STRBP: variants seen among roughly 807,000 people sequenced by gnomAD.
The protein encoded by STRBP is spermatid perinuclear RNA-binding protein.
A neutral mutation model predicts 80.1 loss-of-function variants in STRBP; 13 were observed. That is an observed-to-expected ratio of 0.16 (90% CI 0.11 to 0.26). The LOEUF is 0.26. Among genes scored for constraint, STRBP ranks in the 10% least tolerant of loss-of-function variants. The pLI is 1.00. For missense variants in STRBP, 485 were observed against 815.2 expected, an observed-to-expected ratio of 0.59 and a Z score of 4.93; for synonymous variants, 284 against 291.2, an observed-to-expected ratio of 0.98 and a Z score of 0.25.
intron 2 of STRBP, among the ~76,000 whole-genome samples, chr9:123,199,664 TG>T (rs1228325522): frequency 2.0e-5 from 3 of 152,234 alleles, no homozygotes; most frequent in Non-Finnish European, 2.9e-5. Context: ...ACTGAGTTCT[TG>T]ATTTGATTCT....
intron 1 of STRBP, among the ~76,000 whole-genome samples, chr9:123,240,878 A>T (rs1588147125): frequency 6.6e-6 from 1 of 152,200 alleles, no homozygotes; most frequent in East Asian, 1.9e-4. Flanking sequence ...GGCAAACATC[A>T]GTTAAAATAT....
At position 123,161,159 on chromosome 9, in the gene STRBP, C is replaced by T. The variant is rs573741021; in HGVS notation, c.536-91G>A. On this transcript the variant is annotated intron_variant, in intron 6 of 18. Coordinates refer to ENST00000348403, the MANE Select transcript of STRBP (RefSeq NM_018387.5). The stretch of plus-strand genomic sequence containing the variant: ...AAACAATAAAAAATAAAAAGAATAA[C>T]AGCATTTGAGTGAACTAATAAGACT... 16 of 1,051,312 alleles carry T rather than the reference C, an allele frequency of 1.5e-5. No homozygotes were observed. The East Asian group carries it at 3.8e-4, about 25-fold the overall frequency. The allele number at this position is 1,051,312 out of a possible 1,614,324, so 65.1% of individuals were successfully genotyped here.
rs1411891297 is a variant in STRBP at position 123,179,041 on chromosome 9, C to T, written c.190G>A (p.Val64Met). ...KGTKTEGETE[V>M]KKDEAGENYS... ...TTTTCTCCGGCCTCATCTTTCTTCA[C>T]TTCTGTCTCACCCTCTGTTTTTGTG... Residue 64 changes from valine (V) to methionine (M), a missense_variant, in exon 4 of 19, where the codon GTG (valine) becomes ATG (methionine). By Grantham distance (21) the Val-to-Met change is conservative. Around this residue, in one of 3 missense-constraint regions of STRBP, gnomAD observed 377 missense variants for 616.1 expected, o/e 0.61. Transcript: ENST00000348403. 1 of 1,614,046 alleles carries T rather than the reference C, an allele frequency of 6.2e-7. No homozygotes were observed. Among genetic ancestry groups the T allele is most frequent in the Non-Finnish European group, 8.5e-7 (1 of 1,180,010 alleles).
chr9:123,217,172 C>A (rs796097263), intron 2 of STRBP, among the ~76,000 whole-genome samples: 1 of 152,106 alleles, frequency 6.6e-6, no homozygotes, highest in African/African-American at 2.4e-5. Flanking sequence ...AGAATCAAAG[C>A]TGCCATAATG....
intron 13 of STRBP, among the ~76,000 whole-genome samples, chr9:123,143,618 G>C (rs2036684483): frequency 6.6e-6 from 1 of 152,098 alleles, no homozygotes; most frequent in Non-Finnish European, 1.5e-5. Context: ...ATATATGCCT[G>C]GCATAGAATA....
chr9:123,245,012 G>C (rs1236984862), intron 1 of STRBP, among the ~76,000 whole-genome samples: 1 of 152,106 alleles, frequency 6.6e-6, no homozygotes, highest in African/African-American at 2.4e-5. Context: ...AACTTGGATG[G>C]ATCTCAAAGG....
At chr9:123,177,802 C>T (rs1340901915) in intron 4 of STRBP, among the ~76,000 whole-genome samples, 1 of 151,968 alleles carries the variant, frequency 6.6e-6, no homozygotes, top group African/African-American at 2.4e-5. Flanking sequence ...ATATATTTTA[C>T]CACAATAAAA....
In STRBP at chr9:123,190,454, CTTCT is replaced by C. The variant is rs1176199766; in HGVS notation, c.-164-6160_-164-6157del. Among the ~76,000 whole-genome samples the C allele has an allele frequency of 2.7e-5, 3 of 109,656 alleles. No homozygotes were observed. In the Admixed American group the frequency reaches 2.8e-4, roughly 10 times the overall value. The allele number at this position is 109,656 out of a possible 152,430, so 71.9% of individuals were successfully genotyped here. A position where few individuals can be genotyped will look rare whatever the true frequency, so the allele number is the denominator to read the frequency against. On this transcript the variant is annotated intron_variant, in intron 2 of 18. Coordinates refer to ENST00000348403, the MANE Select transcript of STRBP (RefSeq NM_018387.5). ...GAATTTCAATATTTTCTTCTGGAAG[CTTCT>C]TTTTCATGTAAAAAAAAAAGGCACG...
intron 1 of STRBP, among the ~76,000 whole-genome samples, chr9:123,246,777 TACAA>T (rs1295088800): frequency 1.4e-4 from 21 of 152,274 alleles, no homozygotes; most frequent in South Asian, 8.3e-4. Context: ...TGACTGCCAA[TACAA>T]ACAAATTTTT....
intron 7 of STRBP, among the ~76,000 whole-genome samples, chr9:123,160,679 A>G (rs1194059278): frequency 1.3e-5 from 2 of 152,176 alleles, no homozygotes; most frequent in African/African-American, 4.8e-5. Context: ...TCTCATGGCA[A>G]CCCCACTCCA....
intron 2 of STRBP, among the ~76,000 whole-genome samples, chr9:123,229,976 G>A (rs948347298): frequency 3.9e-5 from 6 of 152,182 alleles, no homozygotes; most frequent in African/African-American, 1.2e-4. Context: ...ACAGGTACAG[G>A]TGCAGATTAG....
chr9:123,151,683 C>T (rs2037063246), intron 11 of STRBP, among the ~76,000 whole-genome samples: 1 of 151,984 alleles, frequency 6.6e-6, no homozygotes, highest in Non-Finnish European at 1.5e-5. Context: ...GTACATAAAT[C>T]TGTGCTTAAA....
chr9:123,119,168 A>G (rs1237539806), downstream of STRBP, among the ~76,000 whole-genome samples: 2 of 152,222 alleles, frequency 1.3e-5, no homozygotes, highest in Non-Finnish European at 2.9e-5. Context: ...CAGCCTTTTA[A>G]GCACACCAAT....
intron 6 of STRBP, among the ~76,000 whole-genome samples, chr9:123,168,430 T>C (rs2037862268): frequency 6.6e-6 from 1 of 152,244 alleles, no homozygotes; most frequent in African/African-American, 2.4e-5. Context: ...AGTTATGATA[T>C]AGATGATTTT....
intron 17 of STRBP, among the ~76,000 whole-genome samples, 159 bp from the exon 18 acceptor site, chr9:123,128,417 C>A (rs2035985202): frequency 6.6e-6 from 1 of 152,196 alleles, no homozygotes; most frequent in Non-Finnish European, 1.5e-5. Context: ...AGTCTAGCCA[C>A]TCTCTGTGTG....
In STRBP at chr9:123,126,782, G is replaced by A. The variant is rs926515898; in HGVS notation, c.1943-1109C>T. Among the ~76,000 whole-genome samples the A allele has an allele frequency of 3.3e-5, 5 of 152,150 alleles. No homozygotes were observed. Among genetic ancestry groups the A allele is most frequent in the African/African-American group, 1.2e-4 (5 of 41,414 alleles). On this transcript the variant is annotated intron_variant, in intron 18 of 18. Coordinates refer to ENST00000348403, the MANE Select transcript of STRBP (RefSeq NM_018387.5). This position sits in a 1 kb window ranked among gnomAD's most constrained non-coding sequence, Gnocchi z 4.4. The stretch of plus-strand genomic sequence containing the variant: ...GCACTTATACAAGACATAGTACAGT[G>A]AGTCTAGTGAGCCAAAATGTACTTG...
chr9:123,226,541 A>G (rs1010941107), intron 2 of STRBP, among the ~76,000 whole-genome samples: 3 of 152,196 alleles, frequency 2.0e-5, no homozygotes, highest in African/African-American at 7.2e-5. Context: ...ATTGGGAAAG[A>G]TAAGGGAAAC....
At chr9:123,179,289 T>C in intron 3 of STRBP, 62 bp from the exon 4 acceptor site, 1 of 1,392,836 alleles carries the variant, frequency 7.2e-7, no homozygotes, top group Non-Finnish European at 9.9e-7. Context: ...AAAAAGATGA[T>C]ATACAACTAT....
intron 3 of STRBP, among the ~76,000 whole-genome samples, chr9:123,182,502 G>A (rs1239116232): frequency 6.6e-6 from 1 of 152,158 alleles, no homozygotes; most frequent in Non-Finnish European, 1.5e-5. Context: ...GAAATGAGCG[G>A]AATGAGAGGT....
Sources: allele counts gnomAD v4.1 joint callset (sites outside exome capture counted in the v4.1 genomes callset), GRCh38; gene constraint gnomAD v4.1.1; regional missense constraint gnomAD v4.1.1; non-coding constraint Gnocchi (gnomAD v3.1); transcripts MANE v1.5; gene names NCBI Gene and HGNC (gene_info 2026-07-23, HGNC 2026-07-21).